STARD3: variants seen among roughly 807,000 people sequenced by gnomAD.
The protein encoded by STARD3 is StAR related lipid transfer domain containing 3.
A neutral mutation model predicts 62.0 loss-of-function variants in STARD3; 39 were observed. The ratio of observed to expected loss-of-function variants is 0.63; its 90% CI spans 0.49 to 0.82. STARD3 has a LOEUF of 0.82. Among genes scored for constraint, STARD3 ranks in the 40% least tolerant of loss-of-function variants. The pLI, the probability that STARD3 is intolerant of heterozygous loss-of-function variation, is 0.00. For synonymous variants in STARD3, 229 were observed against 242.4 expected, an observed-to-expected ratio of 0.94 and a Z score of 0.51; for missense variants, 543 against 584.5, an observed-to-expected ratio of 0.93 and a Z score of 0.73.
chr17:39,649,317 C>A (rs2057055128), intron 1 of STARD3, among the ~76,000 whole-genome samples: 1 of 152,164 alleles, frequency 6.6e-6, no homozygotes, highest in South Asian at 2.1e-4. Flanking sequence ...GTATTTCCAA[C>A]AACGGGAATA....
rs748976068 is a variant in STARD3 at position 39,660,997 on chromosome 17, C to T, written c.1051C>T (p.Arg351Trp). 19 of 1,613,648 alleles carry T rather than the reference C, an allele frequency of 1.2e-5. No individual in the cohort carries two copies. The highest frequency in any genetic ancestry group is 4.4e-5 in the South Asian group (4 of 91,086). The change falls in exon 13 of 15, where the codon CGG becomes TGG. Residue 351 changes from arginine (R) to tryptophan (W), a missense_variant. Coordinates refer to ENST00000336308, the MANE Select transcript of STARD3 (RefSeq NM_006804.4). This position sits in a 1 kb window ranked among gnomAD's most constrained non-coding sequence, Gnocchi z 4.8. ...CTCCCGCAGGGACTTCGTGAATGTCCGGCGCATTGAGCGGCGCAGGGACCG... is the reference window on the plus strand; with the variant it reads ...CTCCCGCAGGGACTTCGTGAATGTCTGGCGCATTGAGCGGCGCAGGGACCG... ...VVSPRDFVNV[R>W]RIERRRDRYL...
At chr17:39,644,442 C>T (rs1466125630) in intron 1 of STARD3, among the ~76,000 whole-genome samples, 1 of 152,048 alleles carries the variant, frequency 6.6e-6, no homozygotes, top group Non-Finnish European at 1.5e-5. Context: ...TCATTGTCTC[C>T]TTTGGTGCCC....
chr17:39,658,018 C>A lies in STARD3; in HGVS notation c.421C>A (p.Leu141Ile). 6.4e-7 allele frequency: 1 copy of A among 1,559,836 alleles called. No individual in the cohort carries two copies. The highest frequency in any genetic ancestry group is 1.9e-5 in the Admixed American group (1 of 52,070). ...SSAFLIVKVILSELLSKGAFG... is the reference protein window; with the variant it reads ...SSAFLIVKVIISELLSKGAFG... ...TGCATTCCTCATTGTCAAGGTCATCCTCTCTGAGGTCAGTGGCTCAGGGTC... is the reference window on the plus strand; with the variant it reads ...TGCATTCCTCATTGTCAAGGTCATCATCTCTGAGGTCAGTGGCTCAGGGTC... The change falls in exon 5 of 15, where the codon CTC becomes ATC. Residue 141 changes from leucine to isoleucine, a missense_variant. Physicochemically the swap from Leu to Ile is conservative, Grantham distance 5. Transcript: ENST00000336308.
chr17:39,661,138 T>C (rs922848891), intron 13 of STARD3, 53 bp downstream of exon 13: 1 of 1,541,722 alleles, frequency 6.5e-7, no homozygotes, highest in Admixed American at 1.7e-5. Flanking sequence ...CCTGGGAGCA[T>C]TGAGCAGTGC....
At chr17:39,655,409 C>T (rs558686658) in intron 2 of STARD3, among the ~76,000 whole-genome samples, 4 of 151,594 alleles carry the variant, frequency 2.6e-5, no homozygotes, top group Admixed American at 6.6e-5. Context: ...GTCTCAAACT[C>T]CTGGGCTCAA....
In STARD3 at chr17:39,662,997, AT is replaced by A; in HGVS notation, c.*90del. The A allele has an allele frequency of 7.8e-7, 1 of 1,278,014 alleles. No individual in the cohort carries two copies. The highest frequency in any genetic ancestry group is 1.1e-6 in the Non-Finnish European group (1 of 929,384). 79.2% of individuals were successfully genotyped at this position (1,278,014 alleles called of 1,614,324 possible). On this transcript the variant is annotated 3_prime_UTR_variant, in exon 15 of 15. Transcript: ENST00000336308. The stretch of plus-strand genomic sequence containing the variant: ...TGCCAGTTGGGCTCGCACTGCCCAC[AT>A]GGGACCTGGCCCCAGGCTGTCACCC...
intron 1 of STARD3, among the ~76,000 whole-genome samples, chr17:39,648,581 A>G (rs1415261753): frequency 6.6e-6 from 1 of 152,154 alleles, no homozygotes; most frequent in African/African-American, 2.4e-5. Flanking sequence ...TTGCCCGGAG[A>G]CTGGGGTACA....
rs1597800747 is a variant in STARD3, at chr17:39,660,775, G to A, written c.955-35G>A. The A allele has an allele frequency of 7.1e-6, 11 of 1,546,676 alleles. No individual in the cohort carries two copies. The highest frequency in any genetic ancestry group is 4.5e-5 in the East Asian group (2 of 44,388). ...CCCATCCCTGGGGTTTTCCTGGGGCGACCTGTTCCAAAAGTCTCCGTTGAC... is the reference window on the plus strand; with the variant it reads ...CCCATCCCTGGGGTTTTCCTGGGGCAACCTGTTCCAAAAGTCTCCGTTGAC... On this transcript the variant is annotated intron_variant, in intron 11 of 14. Transcript: ENST00000336308. This position sits in a 1 kb window ranked among gnomAD's most constrained non-coding sequence, Gnocchi z 4.8.
chr17:39,644,431 A>G (rs956720116), intron 1 of STARD3, among the ~76,000 whole-genome samples: 2 of 152,110 alleles, frequency 1.3e-5, no homozygotes, highest in African/African-American at 4.8e-5. Context: ...CGCTATAGTT[A>G]TCATTGTCTC....
At position 39,660,386 on chromosome 17, in the gene STARD3, C is replaced by T. The variant is rs2057182808; in HGVS notation, c.859-45C>T. The stretch of plus-strand genomic sequence containing the variant: ...CACCAAGAGGGAAGGGTTGGTCTGC[C>T]CGAGCCCATCTGGCACCACCCAGCC... On this transcript the variant is annotated intron_variant, in intron 10 of 14. Transcript: ENST00000336308. This position sits in a 1 kb window ranked among gnomAD's most constrained non-coding sequence, Gnocchi z 4.8. 1.2e-6 allele frequency: 2 copies of T among 1,611,920 alleles called. No individual in the cohort carries two copies. Among genetic ancestry groups the T allele is most frequent in the Non-Finnish European group, 8.5e-7 (1 of 1,178,712 alleles).
At chr17:39,652,160 G>A (rs2057084229) in intron 1 of STARD3, among the ~76,000 whole-genome samples, 1 of 152,126 alleles carries the variant, frequency 6.6e-6, no homozygotes, top group Admixed American at 6.5e-5. Flanking sequence ...TGGGCATGGG[G>A]TGGGGGGCGG....
At position 39,658,430 on chromosome 17, in the gene STARD3, A is replaced by G. The variant is rs1416944702; in HGVS notation, c.455A>G (p.Tyr152Cys). ...CTGCTCAGCAAAGGGGCATTTGGCT[A>G]CCTGCTCCCCATCGTCTCTTTTGTC... ...SELLSKGAFG[Y>C]LLPIVSFVLA... Residue 152 changes from tyrosine to cysteine, a missense_variant, in exon 6 of 15, where the codon TAC becomes TGC. Tyr to Cys is a radical substitution (Grantham distance 194). Coordinates refer to ENST00000336308, the MANE Select transcript of STARD3 (RefSeq NM_006804.4). 2 of 1,613,966 alleles carry G rather than the reference A, an allele frequency of 1.2e-6. No individual in the cohort carries two copies. The highest frequency in any genetic ancestry group is 2.7e-5 in the African/African-American group (2 of 74,906).
In STARD3 at chr17:39,653,482, CCTG is replaced by C; in HGVS notation, c.-43_-41del. On this transcript the variant is annotated splice_region_variant and 5_prime_UTR_variant, in exon 2 of 15. The change creates a premature stop within an existing upstream ORF in the 5' untranslated region. Coordinates refer to ENST00000336308, the MANE Select transcript of STARD3 (RefSeq NM_006804.4). ...ACTCTGCCTCTGCCTCGCCCCCAGC[CCTG>C]CTGCTGAGGCCGCGCCCTCCCCGCC... 6.3e-7 allele frequency: 1 copy of C among 1,582,040 alleles called. No homozygotes were observed. Among genetic ancestry groups the C allele is most frequent in the Non-Finnish European group, 8.6e-7 (1 of 1,168,000 alleles).
chr17:39,660,071 A>G lies in STARD3; in HGVS notation c.796-140A>G. 1 of 768,196 alleles carries G rather than the reference A, an allele frequency of 1.3e-6. No individual in the cohort carries two copies. The highest frequency in any genetic ancestry group is 1.6e-5 in the South Asian group (1 of 62,934). 47.6% of individuals were successfully genotyped at this position (768,196 alleles called of 1,614,324 possible). A position where few individuals can be genotyped will look rare whatever the true frequency, so the allele number is the denominator to read the frequency against. ...TTTGTTAGAGCTACTGTTTTGTAAC[A>G]GCTGCTCAGGTGTCCCCAAACTCCT... is the stretch of plus-strand genomic sequence containing the variant. On this transcript the variant is annotated intron_variant, in intron 9 of 14. Transcript: ENST00000336308. The surrounding 1 kb of genome is among the most constrained non-coding windows in gnomAD (Gnocchi z 4.8).
chr17:39,646,968 G>T (rs1427710475), intron 1 of STARD3, among the ~76,000 whole-genome samples: 1 of 152,060 alleles, frequency 6.6e-6, no homozygotes, highest in African/African-American at 2.4e-5. Context: ...TTGGGAGGCC[G>T]AGGTGGGCGG....
chr17:39,644,351 G>T (rs1331524140), intron 1 of STARD3, among the ~76,000 whole-genome samples: 1 of 152,152 alleles, frequency 6.6e-6, no homozygotes, highest in African/African-American at 2.4e-5. Context: ...TCGAAGTGGT[G>T]GTGGTAGTTA....
chr17:39,660,234 C>CT lies in STARD3; in HGVS notation c.819_820insT (p.Ile274TyrfsTer2). The CT allele has an allele frequency of 6.2e-7, 1 of 1,614,096 alleles. No individual in the cohort carries two copies. The highest frequency in any genetic ancestry group is 8.5e-7 in the Non-Finnish European group (1 of 1,180,036). On this transcript the variant is annotated frameshift_variant, in exon 10 of 15. Transcript: ENST00000336308. LOFTEE classifies it high-confidence loss of function. The surrounding 1 kb of genome is among the most constrained non-coding windows in gnomAD (Gnocchi z 4.8). ...AGGAATATGGGGACACCGTGTACACCATTGAAGTTCCCTTTCACGGCAAGA... is the reference window on the plus strand; with the variant it reads ...AGGAATATGGGGACACCGTGTACACCTATTGAAGTTCCCTTTCACGGCAAGA...
At position 39,663,733 on chromosome 17, in the gene STARD3, G is replaced by A. The variant is rs906485174; in HGVS notation, c.*825G>A. Among the ~76,000 whole-genome samples the A allele has an allele frequency of 2.6e-5, 4 of 151,616 alleles. No homozygotes were observed. The highest frequency in any genetic ancestry group is 5.9e-5 in the Non-Finnish European group (4 of 67,920). Reference sequence around the variant, plus strand: ...CCCGCCCCCTGCCAGGCTTCAGCGGGGCAAGTTTAAAGTCTCTAGTCCAGG... The same window carrying A: ...CCCGCCCCCTGCCAGGCTTCAGCGGAGCAAGTTTAAAGTCTCTAGTCCAGG... On this transcript the variant is annotated 3_prime_UTR_variant, in exon 15 of 15. Coordinates refer to ENST00000336308, the MANE Select transcript of STARD3 (RefSeq NM_006804.4).
intron 5 of STARD3, 83 bp downstream of exon 5, chr17:39,658,109 G>T: frequency 2.1e-6 from 3 of 1,451,912 alleles, no homozygotes; most frequent in Non-Finnish European, 1.9e-6. Context: ...CTCTAATTTG[G>T]GGTGTCTGTC....
Sources: allele counts gnomAD v4.1 joint callset (sites outside exome capture counted in the v4.1 genomes callset), GRCh38; gene constraint gnomAD v4.1.1; non-coding constraint Gnocchi (gnomAD v3.1); transcripts MANE v1.5; gene names NCBI Gene and HGNC (gene_info 2026-07-23, HGNC 2026-07-21).